The following ZNF778 variants were observed in gnomAD, a reference collection of about 807,000 sequenced individuals.
ZNF778 encodes the protein zinc finger protein 778.
ZNF778 carries 37 observed loss-of-function variants against 23.9 expected under a neutral mutation model. That is an observed-to-expected ratio of 1.54 (90% CI 1.19 to 2.03). ZNF778 has a LOEUF of 2.03. ZNF778 is among the 30% of genes most tolerant of loss of function. ZNF778 has a pLI of 0.00. For missense variants in ZNF778, 1,297 were observed against 934.4 expected (o/e 1.39, Z -5.06); for synonymous variants, 483 against 343.9 (o/e 1.40, Z -4.48).
rs1395096506 is a variant in ZNF778, at chr16:89,230,637, T to G, written c.*2075T>G. 1 of 152,256 alleles carries G rather than the reference T, an allele frequency of 6.6e-6. No individual in the cohort carries two copies. The highest frequency in any genetic ancestry group is 1.5e-5 in the Non-Finnish European group (1 of 68,068). The allele number at this position is 152,256 out of a possible 1,614,324, so 9.4% of individuals were successfully genotyped here. A position where few individuals can be genotyped will look rare whatever the true frequency, so the allele number is the denominator to read the frequency against. ...ACTGGCGCTTCTTGGATGAGGCCCTTAAACACACACAGTGGCAGAGCAAGA... is the reference window on the plus strand; with the variant it reads ...ACTGGCGCTTCTTGGATGAGGCCCTGAAACACACACAGTGGCAGAGCAAGA... On this transcript the variant is annotated 3_prime_UTR_variant, in exon 7 of 7. Coordinates refer to ENST00000433976, the MANE Select transcript of ZNF778 (RefSeq NM_001201407.2).
intron 5 of ZNF778, 41 bp from the exon 6 acceptor site, chr16:89,225,514 A>G (rs968672787): frequency 3.4e-5 from 50 of 1,490,120 alleles, no homozygotes; most frequent in Non-Finnish European, 4.4e-5. Context: ...ACAAATACCA[A>G]TGAGTTTGAT....
At chr16:89,225,451 C>A in intron 5 of ZNF778, 104 bp from the exon 6 acceptor site, 1 of 918,560 alleles carries the variant, frequency 1.1e-6, no homozygotes, top group Non-Finnish European at 1.6e-6. Context: ...CATAGCCAAA[C>A]TCCTTAAATC....
rs1208631731 is a variant in ZNF778 at position 89,227,580 on chromosome 16, C to G, written c.1292C>G (p.Thr431Ser). 1 of 1,614,078 alleles carries G rather than the reference C, an allele frequency of 6.2e-7. No individual in the cohort carries two copies. Among genetic ancestry groups the G allele is most frequent in the Middle Eastern group, 1.6e-4 (1 of 6,084 alleles). The change falls in exon 7 of 7, where the codon ACT becomes AGT. Residue 431 changes from threonine to serine, a missense_variant. Thr to Ser is a moderately conservative substitution (Grantham distance 58). Coordinates refer to ENST00000433976, the MANE Select transcript of ZNF778 (RefSeq NM_001201407.2). ...YTCSYCGKAF[T>S]VRCGLTRHVR... ...TGCAGCTACTGTGGGAAGGCCTTCA[C>G]TGTGCGCTGTGGCCTTACTAGACAC... is the stretch of plus-strand genomic sequence containing the variant.
In ZNF778 at chr16:89,217,777, T is replaced by C. The variant is rs553691342; in HGVS notation, c.-265T>C. On this transcript the variant is annotated 5_prime_UTR_variant, in exon 1 of 7. Coordinates refer to ENST00000433976, the MANE Select transcript of ZNF778 (RefSeq NM_001201407.2). ...GAGTTCCGCGCGTGTCCTCGGGCTG[T>C]CCGCGGGGAAGCTGGTCCGGGAGTG... The C allele has an allele frequency of 3.9e-5, 6 of 152,294 alleles. No individual in the cohort carries two copies. The East Asian group carries it at 9.7e-4, about 25-fold the overall frequency. 9.4% of individuals were successfully genotyped at this position (152,294 alleles called of 1,614,324 possible).
At position 89,230,189 on chromosome 16, in the gene ZNF778, T is replaced by A; in HGVS notation, c.*1627T>A. 1 of 440,426 alleles carries A rather than the reference T, an allele frequency of 2.3e-6. No homozygotes were observed. Among genetic ancestry groups the A allele is most frequent in the Non-Finnish European group, 3.0e-6 (1 of 332,550 alleles). 27.3% of individuals were successfully genotyped at this position (440,426 alleles called of 1,614,324 possible). A position where few individuals can be genotyped will look rare whatever the true frequency, so the allele number is the denominator to read the frequency against. On this transcript the variant is annotated 3_prime_UTR_variant, in exon 7 of 7. Coordinates refer to ENST00000433976, the MANE Select transcript of ZNF778 (RefSeq NM_001201407.2). ...TTGTTCCTCTCCCATACCTGATCCC[T>A]TCAGATAAAACACCAGGGTGCAAGG...
rs149737215 is a variant in ZNF778, at chr16:89,232,181, C to G, written c.*3619C>G. The G allele has an allele frequency of 2.9e-4, 48 of 166,772 alleles. No homozygotes were observed. Among genetic ancestry groups the G allele is most frequent in the Admixed American group, 7.6e-4 (14 of 18,396 alleles). The allele number at this position is 166,772 out of a possible 1,614,324, so 10.3% of individuals were successfully genotyped here. On this transcript the variant is annotated 3_prime_UTR_variant, in exon 7 of 7. Coordinates refer to ENST00000433976, the MANE Select transcript of ZNF778 (RefSeq NM_001201407.2). ...AATGGTTGGATACCATTCATTCTTG[C>G]TGTGTCAAGCCTGGATTGGTTTGTA...
chr16:89,232,561 C>T lies in ZNF778; in HGVS notation c.*3999C>T. On this transcript the variant is annotated 3_prime_UTR_variant, in exon 7 of 7. Transcript: ENST00000433976. ...GTCACTTAGGGCAACTTATGCCCTC[C>T]TGTGTGAAAATCTCCACTCCCAATG... The T allele has an allele frequency of 9.0e-7, 1 of 1,115,314 alleles. No homozygotes were observed. The highest frequency in any genetic ancestry group is 1.1e-6 in the Non-Finnish European group (1 of 875,642). The allele number at this position is 1,115,314 out of a possible 1,614,324, so 69.1% of individuals were successfully genotyped here.
chr16:89,222,268 A>G (rs2031030434), intron 3 of ZNF778, 85 bp downstream of exon 3: 1 of 1,041,518 alleles, frequency 9.6e-7, no homozygotes, highest in Non-Finnish European at 1.4e-6. Context: ...ACTTGTCTGC[A>G]CAGCCTCACT....
rs752710165 is a variant in ZNF778, at chr16:89,228,366, G to C, written c.2078G>C (p.Arg693Thr). The C allele has an allele frequency of 1.2e-6, 2 of 1,613,620 alleles. No individual in the cohort carries two copies. Among genetic ancestry groups the C allele is most frequent in the Admixed American group, 3.3e-5 (2 of 59,940 alleles). ...TCCTCTCACCTGCATAAACATGGAAGAATTCACACTGGGCAGAAACCCTAT... is the reference window on the plus strand; with the variant it reads ...TCCTCTCACCTGCATAAACATGGAACAATTCACACTGGGCAGAAACCCTAT... ...RASSHLHKHG[R>T]IHTGQKPYKC... Residue 693 changes from arginine to threonine, a missense_variant, in exon 7 of 7, where the codon AGA becomes ACA. By Grantham distance (71) the Arg-to-Thr change is moderately conservative (BLOSUM62 -1). Transcript: ENST00000433976.
rs1056111314 is a variant in ZNF778 at position 89,236,898 on chromosome 16, C to T, written c.*8336C>T. The T allele has an allele frequency of 5.3e-5, 8 of 151,762 alleles. No individual in the cohort carries two copies. Among genetic ancestry groups the T allele is most frequent in the Non-Finnish European group, 1.0e-4 (7 of 67,970 alleles). The allele number at this position is 151,762 out of a possible 1,614,324, so 9.4% of individuals were successfully genotyped here. ...ACCAGCTTGGCCAACATGGTGAAAC[C>T]CCATCTCTACTAAGAAATACAAAAA... On this transcript the variant is annotated 3_prime_UTR_variant, in exon 7 of 7. Transcript: ENST00000433976.
intron 5 of ZNF778, among the ~76,000 whole-genome samples, 175 bp from the exon 6 acceptor site, chr16:89,225,380 C>G (rs1455835653): frequency 6.6e-6 from 1 of 151,966 alleles, no homozygotes; most frequent in African/African-American, 2.4e-5. Flanking sequence ...CTTTATGGAC[C>G]AAATGTATTT....
At chr16:89,223,401 C>T in intron 4 of ZNF778, 118 bp downstream of exon 4, 1 of 1,410,304 alleles carries the variant, frequency 7.1e-7, no homozygotes, top group Non-Finnish European at 9.8e-7. Flanking sequence ...GATATAACAA[C>T]TGTGCTAGTA....
In ZNF778 at chr16:89,232,538, C is replaced by T; in HGVS notation, c.*3976C>T. 1.1e-6 allele frequency: 1 copy of T among 924,944 alleles called. No homozygotes were observed. The highest frequency in any genetic ancestry group is 1.7e-5 in the African/African-American group (1 of 57,426). 57.3% of individuals were successfully genotyped at this position (924,944 alleles called of 1,614,324 possible). ...CTAACTCTCAGAACGTGTTCTGTGT[C>T]ACTTAGGGCAACTTATGCCCTCCTG... On this transcript the variant is annotated 3_prime_UTR_variant, in exon 7 of 7. Transcript: ENST00000433976.
At chr16:89,221,214 T>C (rs1285235264) in intron 2 of ZNF778, 62 bp downstream of exon 2, 4 of 1,532,628 alleles carry the variant, frequency 2.6e-6, no homozygotes, top group Non-Finnish European at 3.5e-6. Context: ...ACAGTGTGTG[T>C]ATCAGGCCCA....
At chr16:89,223,384 A>G in intron 4 of ZNF778, 101 bp downstream of exon 4, 1 of 1,514,656 alleles carries the variant, frequency 6.6e-7, no homozygotes, top group Non-Finnish European at 9.0e-7. Flanking sequence ...TACCACGGGA[A>G]GTAAGAGATA....
chr16:89,225,997 C>T (rs1244285964), intron 6 of ZNF778, among the ~76,000 whole-genome samples: 2 of 151,980 alleles, frequency 1.3e-5, no homozygotes, highest in Admixed American at 6.6e-5. Flanking sequence ...CTGCAACCTC[C>T]GCCTCCTGGA....
In ZNF778 at chr16:89,229,900, A is replaced by G. The variant is rs925258766; in HGVS notation, c.*1338A>G. On this transcript the variant is annotated 3_prime_UTR_variant, in exon 7 of 7. Coordinates refer to ENST00000433976, the MANE Select transcript of ZNF778 (RefSeq NM_001201407.2). ...AGATGTGATCCTGTGTGAGCAGCGTAGGCTCTGGTTGGTTAGTGTTGAGGA... is the reference window on the plus strand; with the variant it reads ...AGATGTGATCCTGTGTGAGCAGCGTGGGCTCTGGTTGGTTAGTGTTGAGGA... 2 of 981,392 alleles carry G rather than the reference A, an allele frequency of 2.0e-6. No homozygotes were observed. The highest frequency in any genetic ancestry group is 4.7e-5 in the South Asian group (1 of 21,158). The allele number at this position is 981,392 out of a possible 1,614,324, so 60.8% of individuals were successfully genotyped here. A position where few individuals can be genotyped will look rare whatever the true frequency, so the allele number is the denominator to read the frequency against.
Position 89,228,710 on chromosome 16 carries a change from G to T in ZNF778, c.*148G>T. The T allele has an allele frequency of 6.9e-7, 1 of 1,445,312 alleles. No individual in the cohort carries two copies. The highest frequency in any genetic ancestry group is 9.1e-7 in the Non-Finnish European group (1 of 1,103,920). The allele number at this position is 1,445,312 out of a possible 1,614,324, so 89.5% of individuals were successfully genotyped here. ...CCGGCAGGCAGGAACTCACCCTGGA[G>T]CCCTATGCAGCAGACACAGAGAAAG... On this transcript the variant is annotated 3_prime_UTR_variant, in exon 7 of 7. Coordinates refer to ENST00000433976, the MANE Select transcript of ZNF778 (RefSeq NM_001201407.2).
chr16:89,221,523 G>T (rs1382979576), intron 2 of ZNF778, among the ~76,000 whole-genome samples: 2 of 152,020 alleles, frequency 1.3e-5, no homozygotes, highest in African/African-American at 4.8e-5. Context: ...GTGTGTCTGT[G>T]TGTGTTTTCC....
Sources: allele counts gnomAD v4.1 joint callset (sites outside exome capture counted in the v4.1 genomes callset), GRCh38; gene constraint gnomAD v4.1.1; transcripts MANE v1.5; gene names NCBI Gene and HGNC (gene_info 2026-07-23, HGNC 2026-07-21).